The following PKP4 variants were observed in gnomAD, a reference collection of about 807,000 sequenced individuals.
PKP4 encodes the protein plakophilin 4.
A neutral mutation model predicts 145.1 loss-of-function variants in PKP4; 90 were observed. The observed-to-expected ratio is 0.62, with a 90% CI of 0.52 to 0.74. The LOEUF (loss-of-function observed/expected upper bound fraction) is 0.74, where lower values mean the gene tolerates loss of function less well. Among genes scored for constraint, PKP4 ranks in the 30% least tolerant of loss-of-function variants. The pLI, the probability that PKP4 is intolerant of heterozygous loss-of-function variation, is 0.00. For synonymous variants in PKP4, 563 were observed against 577.2 expected, an observed-to-expected ratio of 0.98 and a Z score of 0.35; for missense variants, 1,340 against 1,482.7, an observed-to-expected ratio of 0.90 and a Z score of 1.58.
intron 1 of PKP4, among the ~76,000 whole-genome samples, chr2:158,484,902 G>A (rs1432602231): frequency 2.6e-5 from 4 of 152,182 alleles, no homozygotes; most frequent in African/African-American, 4.8e-5. Flanking sequence ...CTTTGCAGGT[G>A]ACAATCAGAA....
intron 1 of PKP4, among the ~76,000 whole-genome samples, chr2:158,506,196 C>G (rs930160221): frequency 2.0e-5 from 3 of 152,194 alleles, no homozygotes; most frequent in African/African-American, 7.2e-5. Context: ...GGCTTTGAGC[C>G]TCCAGTCACC....
chr2:158,623,634 C>G (rs756367768), intron 6 of PKP4, among the ~76,000 whole-genome samples: 17 of 152,192 alleles, frequency 1.1e-4, no homozygotes, highest in Non-Finnish European at 2.2e-4. Flanking sequence ...TGAGTTCTCA[C>G]TGCAAGTGTT....
chr2:158,500,370 CAA>C, intron 1 of PKP4, among the ~76,000 whole-genome samples: 1 of 152,106 alleles, frequency 6.6e-6, no homozygotes, highest in African/African-American at 2.4e-5. Flanking sequence ...TTTTGACTCA[CAA>C]ATACATTTTT....
chr2:158,534,518 A>G (rs1258334493), intron 2 of PKP4, among the ~76,000 whole-genome samples: 2 of 152,202 alleles, frequency 1.3e-5, no homozygotes, highest in Non-Finnish European at 2.9e-5. Context: ...TTAGGAGAGA[A>G]AAAAGGACTC....
At chr2:158,494,239 A>G (rs1037866758) in intron 1 of PKP4, among the ~76,000 whole-genome samples, 1 of 151,932 alleles carries the variant, frequency 6.6e-6, no homozygotes. Context: ...TATTTATATT[A>G]TGTACTTTTT....
chr2:158,473,964 G>T (rs1221134937), intron 1 of PKP4, among the ~76,000 whole-genome samples: 1 of 152,034 alleles, frequency 6.6e-6, no homozygotes, highest in East Asian at 1.9e-4. Flanking sequence ...ATTTTTCACT[G>T]GTTATGAAGC....
intron 2 of PKP4, among the ~76,000 whole-genome samples, chr2:158,556,523 CTTT>C (rs11378372): frequency 2.1e-5 from 3 of 144,312 alleles, no homozygotes; most frequent in Admixed American, 6.9e-5. Flanking sequence ...CTCTTTCTCT[CTTT>C]TTTTTTTTTT....
At chr2:158,556,356 A>G (rs1294010276) in intron 2 of PKP4, among the ~76,000 whole-genome samples, 2 of 152,200 alleles carry the variant, frequency 1.3e-5, no homozygotes, top group Admixed American at 1.3e-4. Flanking sequence ...TCTGCTCCCC[A>G]AAGAATTCCT....
Position 158,516,413 on chromosome 2 carries a change from G to A in PKP4, c.-5-16767G>A, listed in dbSNP as rs1351294625. Among the ~76,000 whole-genome samples the A allele has an allele frequency of 5.3e-5, 8 of 152,226 alleles. 1 individual carries two copies. The Middle Eastern group carries it at 0.01, about 194-fold the overall frequency. ...ATAGGAACCTCATTTTGAGATGCTG[G>A]AAGTTGTCCGTGGAGCACACTTTGA... On this transcript the variant is annotated intron_variant, in intron 1 of 21. Transcript: ENST00000389759.
chr2:158,508,366 C>CA (rs747754927), intron 1 of PKP4, among the ~76,000 whole-genome samples: 14,216 of 114,828 alleles, frequency 0.12, 707 homozygotes, highest in Middle Eastern at 0.21. Context: ...AACTCCGTCT[C>CA]AAAAAAAAAA....
intron 12 of PKP4, chr2:158,659,478 C>T (rs1205284150): frequency 2.0e-5 from 3 of 152,294 alleles, no homozygotes; most frequent in African/African-American, 7.2e-5. Context: ...TAGATCCCTG[C>T]TCTGATGGAA....
intron 15 of PKP4, 106 bp downstream of exon 15, chr2:158,663,551 G>T: frequency 1.1e-6 from 1 of 946,878 alleles, no homozygotes; most frequent in Non-Finnish European, 1.6e-6. Flanking sequence ...GATGGTGAAA[G>T]GGTCACAGCT....
At chr2:158,641,538 C>T (rs1380224264) in intron 10 of PKP4, among the ~76,000 whole-genome samples, 1 of 152,018 alleles carries the variant, frequency 6.6e-6, no homozygotes, top group Non-Finnish European at 1.5e-5. Context: ...TGGTTATTGG[C>T]TATAATTCTA....
At chr2:158,537,877 A>G (rs919776326) in intron 2 of PKP4, among the ~76,000 whole-genome samples, 1 of 152,080 alleles carries the variant, frequency 6.6e-6, no homozygotes, top group African/African-American at 2.4e-5. Context: ...AAAAATACAA[A>G]AAATTGGCCA....
At chr2:158,615,684 C>T (rs2051536773) in intron 4 of PKP4, among the ~76,000 whole-genome samples, 2 of 152,078 alleles carry the variant, frequency 1.3e-5, no homozygotes, top group African/African-American at 2.4e-5. Flanking sequence ...GAAATCACTA[C>T]GATACCAGTT....
intron 2 of PKP4, among the ~76,000 whole-genome samples, chr2:158,556,234 G>A (rs1255177276): frequency 6.6e-6 from 1 of 152,134 alleles, no homozygotes; most frequent in Non-Finnish European, 1.5e-5. Flanking sequence ...TTCATATCGG[G>A]TAGTTTAGTT....
At chr2:158,567,002 A>T (rs1183545633) in intron 2 of PKP4, among the ~76,000 whole-genome samples, 1 of 152,180 alleles carries the variant, frequency 6.6e-6, no homozygotes, top group Admixed American at 6.5e-5. Flanking sequence ...TGGTTTTTTG[A>T]TATGCAGGAC....
At position 158,473,986 on chromosome 2, in the gene PKP4, AAATG is replaced by A. The variant is rs1409168517; in HGVS notation, c.-6+16772_-6+16775del. 2.6e-5 allele frequency among the ~76,000 whole-genome samples: 4 copies of A among 152,334 alleles called. No homozygotes were observed. In the South Asian group the frequency reaches 8.3e-4, roughly 32 times the overall value. ...ACTGGTTATGAAGCAAGGTGATACT[AAATG>A]AATTATATTTATTATATGCATTACA... On this transcript the variant is annotated intron_variant, in intron 1 of 21. Coordinates refer to ENST00000389759, the MANE Select transcript of PKP4 (RefSeq NM_003628.6).
chr2:158,469,097 GT>G (rs531275699), intron 1 of PKP4, among the ~76,000 whole-genome samples: 9 of 144,356 alleles, frequency 6.2e-5, no homozygotes, highest in South Asian at 4.5e-4. Context: ...CTTTTTTGTT[GT>G]TTTTTTTTTG....
Sources: gnomAD v4.1 joint callset for allele counts (sites outside exome capture counted in the v4.1 genomes callset) on GRCh38, gnomAD v4.1.1 for gene constraint, MANE v1.5 for transcripts, NCBI Gene and HGNC (gene_info 2026-07-23, HGNC 2026-07-21) for gene names.